The following DIP2A variants were observed in gnomAD, a reference collection of about 807,000 sequenced individuals.
DIP2A encodes DIP2 acetate--CoA ligase A, also known as disco-interacting protein 2 homolog A.
In DIP2A, 85 loss-of-function variants were observed where a neutral mutation model predicts 177.4. The observed-to-expected ratio is 0.48, with a 90% CI of 0.40 to 0.57. DIP2A has a LOEUF of 0.57. Among genes scored for constraint, DIP2A ranks in the 20% least tolerant of loss-of-function variants. The probability of loss-of-function intolerance (pLI) is 0.00; values close to 1 mark genes in which losing one functional copy is unlikely to be tolerated. For synonymous variants in DIP2A, 886 were observed against 881.8 expected, an observed-to-expected ratio of 1.00 and a Z score of -0.08; for missense variants, 1,791 against 2,100.2, an observed-to-expected ratio of 0.85 and a Z score of 2.88.
intron 36 of DIP2A, 69 bp from the exon 37 acceptor site, chr21:46,566,491 G>C: frequency 6.2e-7 from 1 of 1,602,868 alleles, no homozygotes. Flanking sequence ...GTTGGGCTCA[G>C]AGGATACGAA....
intron 8 of DIP2A, among the ~76,000 whole-genome samples, chr21:46,515,938 A>G (rs569411019): frequency 1.3e-5 from 2 of 151,916 alleles, no homozygotes; most frequent in South Asian, 4.2e-4. Context: ...CTGGGTAATC[A>G]TTTCCTTCTG....
rs570649833 is a variant in DIP2A, at chr21:46,503,062, C to A, written c.656-1299C>A. On this transcript the variant is annotated intron_variant, in intron 5 of 37. Coordinates refer to ENST00000417564, the MANE Select transcript of DIP2A (RefSeq NM_015151.4). ...TTGTGGCCAGGCGCGGTGGATCACA[C>A]CTGTAATCCCAGCACTTCAGGAGGC... Among the ~76,000 whole-genome samples the A allele has an allele frequency of 2.6e-5, 4 of 152,206 alleles. No homozygotes were observed. The East Asian group carries it at 7.7e-4, about 29-fold the overall frequency.
Position 46,556,874 on chromosome 21 carries a change from A to T in DIP2A, c.3499-65A>T. 5 of 1,347,984 alleles carry T rather than the reference A, an allele frequency of 3.7e-6. No homozygotes were observed. Among genetic ancestry groups the T allele is most frequent in the Non-Finnish European group, 5.0e-6 (5 of 992,202 alleles). The allele number at this position is 1,347,984 out of a possible 1,614,324, so 83.5% of individuals were successfully genotyped here. A position where few individuals can be genotyped will look rare whatever the true frequency, so the allele number is the denominator to read the frequency against. On this transcript the variant is annotated intron_variant, in intron 29 of 37. Coordinates refer to ENST00000417564, the MANE Select transcript of DIP2A (RefSeq NM_015151.4). The surrounding 1 kb of genome is among the most constrained non-coding windows in gnomAD (Gnocchi z 4.5). ...AGCCATGTGAACAGCGGACACTGCC[A>T]TCCACCCTCTCCCCTCCTGAATTTC...
intron 1 of DIP2A, among the ~76,000 whole-genome samples, chr21:46,473,935 C>T (rs1601378333): frequency 1.3e-5 from 2 of 152,152 alleles, no homozygotes; most frequent in East Asian, 1.9e-4. Flanking sequence ...TCTTTTGTCT[C>T]TTTCTGTCTC....
chr21:46,487,566 G>A (rs2056767913), intron 2 of DIP2A, among the ~76,000 whole-genome samples: 1 of 152,100 alleles, frequency 6.6e-6, no homozygotes, highest in Non-Finnish European at 1.5e-5. Flanking sequence ...TTTAAATATA[G>A]GTGATATTAT....
rs2060465540 is a variant in DIP2A, at chr21:46,556,335, C to G, written c.3498+244C>G. 6.9e-7 allele frequency: 1 copy of G among 1,459,418 alleles called. No individual in the cohort carries two copies. Among genetic ancestry groups the G allele is most frequent in the Admixed American group, 2.1e-5 (1 of 48,030 alleles). 90.4% of individuals were successfully genotyped at this position (1,459,418 alleles called of 1,614,324 possible). A position where few individuals can be genotyped will look rare whatever the true frequency, so the allele number is the denominator to read the frequency against. ...TTCTGATTTATGACTGTCTAGCTTA[C>G]AGGAACTGGTGGCTTTGAAGAATCT... On this transcript the variant is annotated intron_variant, in intron 29 of 37. Transcript: ENST00000417564. This position sits in a 1 kb window ranked among gnomAD's most constrained non-coding sequence, Gnocchi z 4.5.
In DIP2A at chr21:46,478,498, C is replaced by T. The variant is rs548052591; in HGVS notation, c.92-6259C>T. On this transcript the variant is annotated intron_variant, in intron 1 of 37. Coordinates refer to ENST00000417564, the MANE Select transcript of DIP2A (RefSeq NM_015151.4). ...AAGTGCTGGGATTACAGGCGTGAGC[C>T]ACCACGCCTGGCAAAACTTTCAAGA... is the stretch of plus-strand genomic sequence containing the variant. Among the ~76,000 whole-genome samples, 6 of 152,320 alleles carry T rather than the reference C, an allele frequency of 3.9e-5. No individual in the cohort carries two copies. The South Asian group carries it at 8.3e-4, about 21-fold the overall frequency.
Position 46,459,154 on chromosome 21 carries a change from T to TGGA in DIP2A, c.26_28dup (p.Glu9dup), listed in dbSNP as rs1461713956. The TGGA allele has an allele frequency of 6.6e-7, 1 of 1,518,482 alleles. No homozygotes were observed. The highest frequency in any genetic ancestry group is 1.2e-5 in the South Asian group (1 of 81,266). 94.1% of individuals were successfully genotyped at this position (1,518,482 alleles called of 1,614,324 possible). On this transcript the variant is annotated inframe_insertion, in exon 1 of 38. Coordinates refer to ENST00000417564, the MANE Select transcript of DIP2A (RefSeq NM_015151.4). The stretch of plus-strand genomic sequence containing the variant: ...GCCATGGCTGACCGCGGGTGCCCGC[T>TGGA]GGAGGCGGCGCCGCTGCCTGCCGAG...
intron 2 of DIP2A, among the ~76,000 whole-genome samples, chr21:46,489,398 G>T (rs572211655): frequency 1.3e-3 from 194 of 152,328 alleles, no homozygotes; most frequent in Non-Finnish European, 2.3e-3. Flanking sequence ...AGCTGTGGCT[G>T]TTGGGGTGGG....
At chr21:46,521,748 T>G (rs1427611252) in intron 8 of DIP2A, among the ~76,000 whole-genome samples, 1 of 152,248 alleles carries the variant, frequency 6.6e-6, no homozygotes, top group African/African-American at 2.4e-5. Context: ...AATACCCCTT[T>G]AACTTTAGGC....
chr21:46,484,707 A>C (rs1256704593), intron 1 of DIP2A, 50 bp from the exon 2 acceptor site: 2 of 1,482,386 alleles, frequency 1.3e-6, no homozygotes, highest in African/African-American at 2.8e-5. Flanking sequence ...TAATTTTAAA[A>C]TTTTGGAATT....
At chr21:46,475,394 G>A (rs2839275) in intron 1 of DIP2A, among the ~76,000 whole-genome samples, 72,678 of 152,090 alleles carry the variant, frequency 0.48, 18,232 homozygotes, top group African/African-American at 0.63. Flanking sequence ...TTATCTACCT[G>A]TATGTCCTGA....
rs115018459 is a variant in DIP2A at position 46,498,815 on chromosome 21, G to A, written c.637G>A (p.Glu213Lys). Residue 213 changes from glutamate to lysine, a missense_variant, in exon 5 of 38, where the codon GAG (glutamate) becomes AAG (lysine). Glu to Lys is a moderately conservative substitution (Grantham distance 56). Coordinates refer to ENST00000417564, the MANE Select transcript of DIP2A (RefSeq NM_015151.4). The surrounding 1 kb of genome is among the most constrained non-coding windows in gnomAD (Gnocchi z 4.3). ...AAATTALAGL[E>K]AHTHIDLHSA... ...CGCTACCACTGCACTCGCAGGCCTC[G>A]AGGCCCACACCCACATAGGTCAGTA... 3.3e-5 allele frequency: 53 copies of A among 1,613,386 alleles called. No homozygotes were observed. The East Asian group carries it at 6.5e-4, about 20-fold the overall frequency.
chr21:46,577,480 A>G, the DIP2A span, among the ~76,000 whole-genome samples: 1 of 152,066 alleles, frequency 6.6e-6, no homozygotes, highest in Non-Finnish European at 1.5e-5. Flanking sequence ...ATCCTGTTCC[A>G]CCGGTCTATG....
At chr21:46,541,637 C>A in intron 17 of DIP2A, 119 bp from the exon 18 acceptor site, 1 of 1,210,502 alleles carries the variant, frequency 8.3e-7, no homozygotes, top group Non-Finnish European at 1.2e-6. Flanking sequence ...GCGTTTCTCA[C>A]AAGTCTGTAA....
At chr21:46,522,060 T>A (rs2058847797) in intron 8 of DIP2A, among the ~76,000 whole-genome samples, 1 of 152,248 alleles carries the variant, frequency 6.6e-6, no homozygotes, top group African/African-American at 2.4e-5. Flanking sequence ...TTAGCAAACC[T>A]AATATCTGAC....
At chr21:46,525,682 G>C (rs1189109655) in intron 8 of DIP2A, 1 of 151,992 alleles carries the variant, frequency 6.6e-6, no homozygotes, top group Non-Finnish European at 1.5e-5. Flanking sequence ...CATGGTACCT[G>C]TGCAAGGATG....
rs2059253142 is a variant in DIP2A at position 46,529,248 on chromosome 21, T to C, written c.1194+65T>C. 1.0e-5 allele frequency: 10 copies of C among 983,190 alleles called. No individual in the cohort carries two copies. The Admixed American group carries it at 2.1e-4, about 21-fold the overall frequency. 60.9% of individuals were successfully genotyped at this position (983,190 alleles called of 1,614,324 possible). On this transcript the variant is annotated intron_variant, in intron 9 of 37. Coordinates refer to ENST00000417564, the MANE Select transcript of DIP2A (RefSeq NM_015151.4). ...GCAGGGACTTAAATAATCTGTTTCA[T>C]TGAAATTAGTGTTCTATCATTTAGT...
At chr21:46,504,585 C>A in intron 6 of DIP2A, 96 bp downstream of exon 6, 1 of 1,420,268 alleles carries the variant, frequency 7.0e-7, no homozygotes, top group Non-Finnish European at 9.3e-7. Flanking sequence ...GTAGCAAACC[C>A]AAGCCAAACG....
Sources: gnomAD v4.1 joint callset for allele counts (sites outside exome capture counted in the v4.1 genomes callset) on GRCh38, gnomAD v4.1.1 for gene constraint, Gnocchi (gnomAD v3.1) non-coding constraint, MANE v1.5 for transcripts, NCBI Gene and HGNC (gene_info 2026-07-23, HGNC 2026-07-21) for gene names.